The following GFRA2 variants were observed in gnomAD, a reference collection of about 807,000 sequenced individuals.
The protein encoded by GFRA2 is GDNF family receptor alpha-2.
In GFRA2, 17 loss-of-function variants were observed where a neutral mutation model predicts 48.3. That is an observed-to-expected ratio of 0.35 (90% CI 0.24 to 0.53). The LOEUF (loss-of-function observed/expected upper bound fraction) is 0.53, where lower values mean the gene tolerates loss of function less well. Ranked by LOEUF, GFRA2 falls within the 20% of genes least tolerant of loss-of-function variation. GFRA2 has a pLI of 0.93. For synonymous variants in GFRA2, 305 were observed against 257.2 expected (o/e 1.19, Z -1.78); for missense variants, 660 against 637.3 (o/e 1.04, Z -0.38).
chr8:21,767,961 AG>A (rs1806259992), intron 3 of GFRA2, among the ~76,000 whole-genome samples: 4 of 18,954 alleles, frequency 2.1e-4, no homozygotes, highest in Admixed American at 5.5e-4. Flanking sequence ...GCGTTGACAG[AG>A]AGAGAGAGAG....
In GFRA2 at chr8:21,693,056, G is replaced by A. The variant is rs1339500442; in HGVS notation, c.*222C>T. 7.9e-6 allele frequency: 3 copies of A among 380,808 alleles called. No homozygotes were observed. The highest frequency in any genetic ancestry group is 1.4e-5 in the Non-Finnish European group (3 of 212,756). 23.6% of individuals were successfully genotyped at this position (380,808 alleles called of 1,614,324 possible). On this transcript the variant is annotated 3_prime_UTR_variant, in exon 9 of 9. Coordinates refer to ENST00000524240, the MANE Select transcript of GFRA2 (RefSeq NM_001495.5). ...CCGGCACCAGAGTTTCCCCTGCCAGGGGACCCCTGGGCCAGCTCTCAGGCT... is the reference window on the plus strand; with the variant it reads ...CCGGCACCAGAGTTTCCCCTGCCAGAGGACCCCTGGGCCAGCTCTCAGGCT...
At chr8:21,729,956 T>G (rs894927670) in intron 4 of GFRA2, among the ~76,000 whole-genome samples, 1 of 151,876 alleles carries the variant, frequency 6.6e-6, no homozygotes, top group African/African-American at 2.4e-5. Context: ...AGCCTGGAAT[T>G]AGAGAGGCAG....
chr8:21,802,637 G>A (rs1807791542), intron 2 of GFRA2, among the ~76,000 whole-genome samples: 1 of 152,122 alleles, frequency 6.6e-6, no homozygotes, highest in African/African-American at 2.4e-5. Context: ...TTACAGGTGT[G>A]AGCCCCCACG....
intron 4 of GFRA2, among the ~76,000 whole-genome samples, chr8:21,731,320 C>T (rs925254025): frequency 1.3e-5 from 2 of 152,062 alleles, no homozygotes; most frequent in Admixed American, 6.5e-5. Context: ...TGTTAGGTCA[C>T]CAAGGAGAGC....
chr8:21,705,129 G>C lies in GFRA2; in HGVS notation c.905-4C>G, dbSNP rs369784512. The C allele has an allele frequency of 1.9e-6, 3 of 1,607,520 alleles. No individual in the cohort carries two copies. In the African/African-American group the frequency reaches 4.0e-5, roughly 21 times the overall value. On this transcript the variant is annotated splice_region_variant and splice_polypyrimidine_tract_variant and intron_variant, in intron 5 of 8. Transcript: ENST00000524240. ...TAGTTAGGTGTCATGTCAAACCCTG[G>C]GCAGGAAGAAAGGTGGGGGAGAGGA...
intron 7 of GFRA2, among the ~76,000 whole-genome samples, chr8:21,701,181 T>G (rs1465189036): frequency 1.3e-5 from 2 of 152,192 alleles, no homozygotes; most frequent in Admixed American, 6.5e-5. Flanking sequence ...GATCACAAGC[T>G]CAGGAGATCG....
rs1215891458 is a variant in GFRA2 at position 21,775,989 on chromosome 8, C to CTGTGTGTTTGTG, written c.356-935_356-934insCACAAACACACA. Reference sequence around the variant, plus strand: ...AAATTGATGGCTCACCACTCATCCTCTGTGTGTGTGTGTGTGTGTGTGTGT... The same window carrying CTGTGTGTTTGTG: ...AAATTGATGGCTCACCACTCATCCTCTGTGTGTTTGTGTGTGTGTGTGTGTGTGTGTGTGTGT... On this transcript the variant is annotated intron_variant, in intron 2 of 8. Transcript: ENST00000524240. 1.2e-3 allele frequency among the ~76,000 whole-genome samples: 147 copies of CTGTGTGTTTGTG among 126,480 alleles called. 1 individual carries two copies. The highest frequency in any genetic ancestry group is 3.7e-3 in the African/African-American group (118 of 32,002). 83.0% of individuals were successfully genotyped at this position (126,480 alleles called of 152,430 possible).
At chr8:21,773,409 T>C (rs2117700360) in intron 3 of GFRA2, among the ~76,000 whole-genome samples, 1 of 152,316 alleles carries the variant, frequency 6.6e-6, no homozygotes, top group Admixed American at 6.5e-5. Context: ...GGCCACCCAC[T>C]GGCCAGTGCC....
At chr8:21,783,246 G>T in intron 1 of GFRA2, 1 of 439,580 alleles carries the variant, frequency 2.3e-6, no homozygotes, top group Non-Finnish European at 4.4e-6. Context: ...AGAGAGCTGG[G>T]GGCTGCATGG....
At chr8:21,796,769 G>T (rs111659175) in intron 2 of GFRA2, among the ~76,000 whole-genome samples, 9,974 of 152,268 alleles carry the variant, frequency 0.066, 942 homozygotes, top group African/African-American at 0.21. Context: ...AGGAAACCCT[G>T]GGTGGCAGAG....
At position 21,788,201 on chromosome 8, in the gene GFRA2, T is replaced by TA. The variant is rs1306427546; in HGVS notation, c.-43dup. 315 of 1,562,076 alleles carry TA rather than the reference T, an allele frequency of 2.0e-4. No individual in the cohort carries two copies. The highest frequency in any genetic ancestry group is 5.0e-4 in the Admixed American group (28 of 56,106). On this transcript the variant is annotated 5_prime_UTR_variant, in exon 1 of 9. Coordinates refer to ENST00000524240, the MANE Select transcript of GFRA2 (RefSeq NM_001495.5). ...CGTTTTTTTGTCTTTCTCCCTTGGG[T>TA]AAAAAAAAATAATAGTAGTAACAAC... is the stretch of plus-strand genomic sequence containing the variant.
At chr8:21,772,963 G>T (rs1373187896) in intron 3 of GFRA2, among the ~76,000 whole-genome samples, 1 of 152,216 alleles carries the variant, frequency 6.6e-6, no homozygotes, top group East Asian at 1.9e-4. Context: ...GTAGTAATCT[G>T]CCGGTACCTG....
At chr8:21,765,308 G>T (rs1806101222) in intron 3 of GFRA2, among the ~76,000 whole-genome samples, 1 of 151,804 alleles carries the variant, frequency 6.6e-6, no homozygotes, top group African/African-American at 2.4e-5. Context: ...GTGGGGTTTT[G>T]CTATGTTGCT....
At chr8:21,737,624 G>C (rs1054371155) in intron 4 of GFRA2, among the ~76,000 whole-genome samples, 1 of 152,068 alleles carries the variant, frequency 6.6e-6, no homozygotes, top group South Asian at 2.1e-4. Flanking sequence ...GCCCTGAGCA[G>C]TACAGTCCCG....
chr8:21,694,931 T>C (rs933006143), intron 7 of GFRA2, among the ~76,000 whole-genome samples: 1 of 152,224 alleles, frequency 6.6e-6, no homozygotes, highest in Non-Finnish European at 1.5e-5. Flanking sequence ...AATGAATGAA[T>C]GTCACAGATC....
intron 3 of GFRA2, among the ~76,000 whole-genome samples, chr8:21,751,547 G>A (rs1405729822): frequency 1.3e-5 from 2 of 152,208 alleles, no homozygotes; most frequent in African/African-American, 2.4e-5. Context: ...ACAGGAACCC[G>A]AGTCACACCC....
Position 21,780,438 on chromosome 8 carries a change from C to A in GFRA2, c.355+2147G>T, listed in dbSNP as rs554362362. On this transcript the variant is annotated intron_variant, in intron 2 of 8. Coordinates refer to ENST00000524240, the MANE Select transcript of GFRA2 (RefSeq NM_001495.5). ...CTCTCCCCAGCACCTTCTCAGCTCC[C>A]TGCAGGCTCCCTTCCCCACATCCTT... is the stretch of plus-strand genomic sequence containing the variant. Among the ~76,000 whole-genome samples, 25 of 152,218 alleles carry A rather than the reference C, an allele frequency of 1.6e-4. No individual in the cohort carries two copies. In the South Asian group the frequency reaches 5.2e-3, roughly 32 times the overall value.
chr8:21,773,587 G>T (rs1325060920), intron 3 of GFRA2, among the ~76,000 whole-genome samples: 1 of 152,228 alleles, frequency 6.6e-6, no homozygotes, highest in African/African-American at 2.4e-5. Context: ...TCTTACAATG[G>T]TTTATGGTCC....
intron 6 of GFRA2, 36 bp downstream of exon 6, chr8:21,704,949 G>A (rs770297757): frequency 1.9e-6 from 3 of 1,542,950 alleles, no homozygotes; most frequent in South Asian, 1.2e-5. Flanking sequence ...GGGGTGGGAG[G>A]GGCTGCTGGG....
Sources: gnomAD v4.1 joint callset for allele counts (sites outside exome capture counted in the v4.1 genomes callset) on GRCh38, gnomAD v4.1.1 for gene constraint, MANE v1.5 for transcripts, NCBI Gene and HGNC (gene_info 2026-07-23, HGNC 2026-07-21) for gene names.